Variants in MAGED1 observed in about 807,000 individuals in gnomAD.
MAGED1 encodes the protein MAGE family member D1.
Under a neutral mutation model 54.1 loss-of-function variants are expected in MAGED1, and 3 were observed. The observed-to-expected ratio is 0.06, with a 90% CI of 0.03 to 0.14. The LOEUF (loss-of-function observed/expected upper bound fraction) is 0.14, where lower values mean the gene tolerates loss of function less well. MAGED1 is among the 10% of genes least tolerant of loss of function. The pLI, the probability that MAGED1 is intolerant of heterozygous loss-of-function variation, is 1.00. For missense variants in MAGED1, 485 were observed against 623.4 expected, an observed-to-expected ratio of 0.78 and a Z score of 2.36; for synonymous variants, 217 against 227.3, an observed-to-expected ratio of 0.95 and a Z score of 0.41.
At chrX:51,869,635 G>A (rs1360725753) in intron 1 of MAGED1, among the ~76,000 whole-genome samples, 2 of 110,717 alleles carry the variant, frequency 1.8e-5, no homozygotes, top group African/African-American at 3.3e-5. Context: ...TTGGGAGGCC[G>A]AGGCAGGCGA....
intron 1 of MAGED1, among the ~76,000 whole-genome samples, chrX:51,828,414 A>G (rs1925936388): frequency 9.1e-6 from 1 of 109,881 alleles, no homozygotes; most frequent in Non-Finnish European, 1.9e-5. Context: ...ACTTATATTT[A>G]TTTTTCTCTG....
rs536530486 is a variant in MAGED1 at position 51,840,055 on chromosome X, A to G, written c.-37+36938A>G. 8.0e-5 allele frequency among the ~76,000 whole-genome samples: 9 copies of G among 112,033 alleles called. No individual in the cohort carries two copies. In the South Asian group the frequency reaches 3.4e-3, roughly 42 times the overall value. ...GTGTTACAGTGGATTTTAAAAAGAG[A>G]CTTTCTGTTGTGAGATATCATAACA... On this transcript the variant is annotated intron_variant, in intron 1 of 12. Transcript: ENST00000375772.
At chrX:51,890,027 C>G (rs1330077771), upstream of MAGED1, among the ~76,000 whole-genome samples, 1 of 112,198 alleles carries the variant, frequency 8.9e-6, no homozygotes, top group Non-Finnish European at 1.9e-5. Flanking sequence ...TGGCCTTGGC[C>G]CACACTGGAT....
intron 1 of MAGED1, among the ~76,000 whole-genome samples, chrX:51,873,930 C>T (rs1435963235): frequency 6.3e-5 from 7 of 111,236 alleles, no homozygotes; most frequent in Non-Finnish European, 1.3e-4. Flanking sequence ...CCAGTTACTG[C>T]CAAATACATC....
At chrX:51,890,977 G>A (rs968156777), upstream of MAGED1, among the ~76,000 whole-genome samples, 2 of 111,341 alleles carry the variant, frequency 1.8e-5, no homozygotes, top group African/African-American at 6.5e-5. Flanking sequence ...TTGTTGTATT[G>A]CCACGCTCCC....
At chrX:51,809,413 C>T (rs1427046227) in intron 1 of MAGED1, among the ~76,000 whole-genome samples, 15 of 111,740 alleles carry the variant, frequency 1.3e-4, no homozygotes, top group Non-Finnish European at 1.9e-4. Flanking sequence ...CCACCGCGCC[C>T]GGCCCCTTAG....
At chrX:51,881,237 T>C (rs1928039197) in intron 1 of MAGED1, among the ~76,000 whole-genome samples, 1 of 110,469 alleles carries the variant, frequency 9.1e-6, no homozygotes, top group African/African-American at 3.3e-5. Context: ...TATGACCTTA[T>C]TACCTCCCAA....
exon 1 of MAGED1, chrX:51,803,106 T>C: frequency 9.0e-6 from 1 of 111,559 alleles, no homozygotes; most frequent in Middle Eastern, 4.6e-3. Flanking sequence ...CGTTGCTGCC[T>C]TCTTCGTCAA....
chrX:51,806,325 G>A (rs1162105362), intron 1 of MAGED1, among the ~76,000 whole-genome samples: 3 of 111,437 alleles, frequency 2.7e-5, no homozygotes, highest in African/African-American at 9.8e-5. Flanking sequence ...CATCAAGATC[G>A]GGAAATTTTG....
chrX:51,852,144 C>T (rs1009569686), intron 1 of MAGED1, among the ~76,000 whole-genome samples: 7 of 111,622 alleles, frequency 6.3e-5, no homozygotes, highest in African/African-American at 2.3e-4. Flanking sequence ...GGCTCCTGCT[C>T]CCTTTCTCCA....
chrX:51,894,756 A>C lies in MAGED1; in HGVS notation c.46-297A>C, dbSNP rs782592651. 4 of 1,148,898 alleles carry C rather than the reference A, an allele frequency of 3.5e-6. No individual in the cohort carries two copies. In the East Asian group the frequency reaches 1.2e-4, roughly 35 times the overall value. The allele number at this position is 1,148,898 out of a possible 1,213,427, so 94.7% of individuals were successfully genotyped here. A position where few individuals can be genotyped will look rare whatever the true frequency, so the allele number is the denominator to read the frequency against. On this transcript the variant is annotated intron_variant, in intron 2 of 12. Transcript: ENST00000326587. ...ACTCCGCGATCCGCCTGCCGTCCTG[A>C]GCTGCTACTGCACGCCTCTTGGAGC...
chrX:51,841,431 T>C (rs1926478262), intron 1 of MAGED1, among the ~76,000 whole-genome samples: 1 of 110,549 alleles, frequency 9.0e-6, no homozygotes, highest in East Asian at 2.8e-4. Context: ...CAGAAGCTCT[T>C]TAGTTTAATT....
At chrX:51,827,111 GT>G (rs782079688) in intron 1 of MAGED1, among the ~76,000 whole-genome samples, 2 of 111,330 alleles carry the variant, frequency 1.8e-5, no homozygotes, top group South Asian at 7.6e-4. Context: ...ATATTACTGA[GT>G]TTTAAAATAA....
At chrX:51,842,302 G>A (rs983996929) in intron 1 of MAGED1, among the ~76,000 whole-genome samples, 2 of 112,060 alleles carry the variant, frequency 1.8e-5, no homozygotes, top group Non-Finnish European at 3.8e-5. Flanking sequence ...TCAGTTTTTA[G>A]TAGTAGGAAA....
intron 1 of MAGED1, among the ~76,000 whole-genome samples, chrX:51,858,684 AATGG>A (rs1927172436): frequency 9.0e-6 from 1 of 111,315 alleles, no homozygotes; most frequent in African/African-American, 3.3e-5. Context: ...ATTGAGTAGG[AATGG>A]AGAGGACAGA....
intron 1 of MAGED1, among the ~76,000 whole-genome samples, chrX:51,875,909 A>G (rs949290650): frequency 2.7e-5 from 3 of 111,614 alleles, no homozygotes; most frequent in Non-Finnish European, 5.7e-5. Flanking sequence ...CTTGGGGTAG[A>G]TATTCACAGG....
At chrX:51,889,719 C>T (rs1208108104), upstream of MAGED1, among the ~76,000 whole-genome samples, 1 of 109,499 alleles carries the variant, frequency 9.1e-6, no homozygotes, top group Non-Finnish European at 1.9e-5. Flanking sequence ...GGATGTTAGC[C>T]CTGCCACTAA....
intron 1 of MAGED1, among the ~76,000 whole-genome samples, chrX:51,868,560 G>A (rs1266415352): frequency 9.0e-6 from 1 of 111,695 alleles, no homozygotes. Context: ...GGCAATGTGA[G>A]TGACAGTAAC....
intron 10 of MAGED1, 59 bp from the exon 11 acceptor site, chrX:51,900,123 A>G: frequency 1.4e-6 from 1 of 723,179 alleles, no homozygotes; most frequent in Non-Finnish European, 2.2e-6. Context: ...ATTATTTTTC[A>G]TTAGTGGACT....
Sources: allele counts gnomAD v4.1 joint callset (sites outside exome capture counted in the v4.1 genomes callset), GRCh38; gene constraint gnomAD v4.1.1; transcripts MANE v1.5; gene names NCBI Gene and HGNC (gene_info 2026-07-23, HGNC 2026-07-21).